DCAF17: variants seen among roughly 807,000 people sequenced by gnomAD.
The protein encoded by DCAF17 is DDB1 and CUL4 associated factor 17, also known as DDB1- and CUL4-associated factor 17.
DCAF17 carries 48 observed loss-of-function variants against 66.0 expected under a neutral mutation model. The observed-to-expected ratio is 0.73, with a 90% CI of 0.58 to 0.92. The LOEUF is 0.92. DCAF17 is among the 40% of genes least tolerant of loss of function. DCAF17 has a pLI of 0.00. For missense variants in DCAF17, 562 were observed against 622.8 expected, an observed-to-expected ratio of 0.90 and a Z score of 1.04; for synonymous variants, 206 against 214.6, an observed-to-expected ratio of 0.96 and a Z score of 0.35.
chr2:171,460,784 C>CCT (rs1399049190), intron 8 of DCAF17, among the ~76,000 whole-genome samples: 8 of 152,186 alleles, frequency 5.3e-5, no homozygotes, highest in African/African-American at 1.7e-4. Flanking sequence ...AGTCTGCCTA[C>CCT]CTCATCCGCC....
At chr2:171,440,843 G>T (rs2105730755) in intron 2 of DCAF17, among the ~76,000 whole-genome samples, 1 of 152,262 alleles carries the variant, frequency 6.6e-6, no homozygotes, top group South Asian at 2.1e-4. Flanking sequence ...AGTTTGCCCT[G>T]TGACCTGAAT....
chr2:171,461,216 G>A (rs575563180), intron 8 of DCAF17, among the ~76,000 whole-genome samples: 80 of 152,134 alleles, frequency 5.3e-4, no homozygotes, highest in Non-Finnish European at 9.4e-4. Context: ...AGGCTGACGC[G>A]GGCAGATCAC....
intron 3 of DCAF17, among the ~76,000 whole-genome samples, chr2:171,447,093 A>G (rs1211238142): frequency 6.6e-6 from 1 of 152,030 alleles, no homozygotes; most frequent in Non-Finnish European, 1.5e-5. Flanking sequence ...ATATGTCATT[A>G]TAGTTATGTT....
At chr2:171,476,050 A>T (rs949981044) in intron 10 of DCAF17, among the ~76,000 whole-genome samples, 2 of 152,204 alleles carry the variant, frequency 1.3e-5, no homozygotes, top group African/African-American at 4.8e-5. Flanking sequence ...CACTAAAAAA[A>T]CTAAGTGAAT....
At chr2:171,474,147 C>T (rs1379018433) in intron 10 of DCAF17, 172 bp downstream of exon 10, 8 of 640,754 alleles carry the variant, frequency 1.2e-5, no homozygotes, top group Non-Finnish European at 2.0e-5. Context: ...CTTTGAGACT[C>T]AACATTACTG....
At position 171,453,231 on chromosome 2, in the gene DCAF17, A is replaced by C; in HGVS notation, c.627+18A>C. 6.5e-7 allele frequency: 1 copy of C among 1,531,742 alleles called. No homozygotes were observed. Among genetic ancestry groups the C allele is most frequent in the Non-Finnish European group, 9.0e-7 (1 of 1,109,514 alleles). The allele number at this position is 1,531,742 out of a possible 1,614,324, so 94.9% of individuals were successfully genotyped here. On this transcript the variant is annotated intron_variant, in intron 6 of 13. Coordinates refer to ENST00000375255, the MANE Select transcript of DCAF17 (RefSeq NM_025000.4). ...ACAAAAAGGTAAGAACTCATTTCTT[A>C]TTTAATTGCAATATTTTATTGACAA...
intron 5 of DCAF17, among the ~76,000 whole-genome samples, chr2:171,452,724 A>T (rs540692431): frequency 9.8e-5 from 15 of 152,318 alleles, no homozygotes; most frequent in Admixed American, 8.5e-4. Context: ...TTAGCCTCCC[A>T]AAGGGCTGGA....
At chr2:171,452,975 C>T (rs1695038594) in intron 5 of DCAF17, 149 bp from the exon 6 acceptor site, 2 of 494,560 alleles carry the variant, frequency 4.0e-6, no homozygotes, top group Non-Finnish European at 7.0e-6. Context: ...ATTTAAGTAA[C>T]TTTGCAATCT....
chr2:171,440,008 TG>T (rs1177813240), intron 2 of DCAF17, among the ~76,000 whole-genome samples: 2 of 152,270 alleles, frequency 1.3e-5, no homozygotes, highest in East Asian at 3.9e-4. Context: ...TAGAGTGCAG[TG>T]GCTTTTCACA....
Position 171,434,594 on chromosome 2 carries a change from A to C in DCAF17, c.17A>C (p.Lys6Thr). The C allele has an allele frequency of 6.5e-7, 1 of 1,527,924 alleles. No individual in the cohort carries two copies. Among genetic ancestry groups the C allele is most frequent in the Non-Finnish European group, 8.7e-7 (1 of 1,143,970 alleles). 94.6% of individuals were successfully genotyped at this position (1,527,924 alleles called of 1,614,324 possible). ...CGCGCCTCCATGGGCCCGACCCGGA[A>C]GCCCAACGTGTGCAGCCGGCTGAGT... MGPTR[K>T]PNVCSRLSRR... is the part of the protein sequence containing the mutation. Residue 6 changes from lysine to threonine, a missense_variant, in exon 1 of 14, where the codon AAG becomes ACG. Around this residue, in one of 3 missense-constraint regions of DCAF17, gnomAD observed 348 missense variants for 355.9 expected, o/e 0.98. Transcript: ENST00000375255.
In DCAF17 at chr2:171,481,883, T is replaced by TGA; in HGVS notation, c.*769_*770insGA. 1 of 454,056 alleles carries TGA rather than the reference T, an allele frequency of 2.2e-6. No individual in the cohort carries two copies. The allele number at this position is 454,056 out of a possible 1,614,324, so 28.1% of individuals were successfully genotyped here. A position where few individuals can be genotyped will look rare whatever the true frequency, so the allele number is the denominator to read the frequency against. ...TGTTCTCATCTCACCATTCTACTCA[T>TGA]TTAGTGAGTTTTCTGATCTTGTTTA... On this transcript the variant is annotated 3_prime_UTR_variant, in exon 14 of 14. Coordinates refer to ENST00000375255, the MANE Select transcript of DCAF17 (RefSeq NM_025000.4).
chr2:171,462,637 G>T (rs1341395182), intron 8 of DCAF17, among the ~76,000 whole-genome samples: 1 of 152,068 alleles, frequency 6.6e-6, no homozygotes, highest in Non-Finnish European at 1.5e-5. Flanking sequence ...TTGTCAATAT[G>T]ACAGTTTGTT....
At chr2:171,468,769 A>G in intron 8 of DCAF17, 119 bp from the exon 9 acceptor site, 1 of 1,355,324 alleles carries the variant, frequency 7.4e-7, no homozygotes, top group Non-Finnish European at 1.0e-6. Flanking sequence ...GAACATAGTA[A>G]TTTTTCATTA....
chr2:171,443,373 C>T, intron 2 of DCAF17, 150 bp from the exon 3 acceptor site: 1 of 593,524 alleles, frequency 1.7e-6, no homozygotes, highest in South Asian at 2.2e-5. Context: ...ATTATGTGAT[C>T]AGAAAAAAAT....
chr2:171,474,376 C>CA, intron 10 of DCAF17: 1 of 221,912 alleles, frequency 4.5e-6, no homozygotes, highest in South Asian at 6.8e-5. Context: ...AGGGCACACA[C>CA]AACTCCCACA....
At position 171,477,995 on chromosome 2, in the gene DCAF17, T is replaced by C. The variant is rs752912991; in HGVS notation, c.1191T>C (p.Asn397=). ...TTCTTTCCATATGATAGAATGAAAA[T>C]GTACTCACTGTTACAGCTTCTGGAC... is the stretch of plus-strand genomic sequence containing the variant. ...LANRENHKNE[N]VLTVTASGRV... The change falls in exon 12 of 14, where the codon AAT becomes AAC. Residue 397 remains asparagine, a synonymous_variant. Coordinates refer to ENST00000375255, the MANE Select transcript of DCAF17 (RefSeq NM_025000.4). 2 of 1,613,252 alleles carry C rather than the reference T, an allele frequency of 1.2e-6. No homozygotes were observed. Among genetic ancestry groups the C allele is most frequent in the South Asian group, 2.2e-5 (2 of 91,082 alleles).
At chr2:171,455,363 T>C (rs1283120862) in intron 6 of DCAF17, among the ~76,000 whole-genome samples, 1 of 152,134 alleles carries the variant, frequency 6.6e-6, no homozygotes, top group African/African-American at 2.4e-5. Context: ...TGCATAGTAT[T>C]CCCTGGTGTA....
chr2:171,434,814 G>A (rs1693733632), intron 1 of DCAF17, 111 bp downstream of exon 1: 13 of 1,397,028 alleles, frequency 9.3e-6, no homozygotes, highest in Non-Finnish European at 1.1e-5. Flanking sequence ...AGGGTCACAT[G>A]TGATGGGGAG....
intron 2 of DCAF17, among the ~76,000 whole-genome samples, chr2:171,439,912 A>G (rs1473466428): frequency 6.6e-6 from 1 of 152,168 alleles, no homozygotes; most frequent in African/African-American, 2.4e-5. Flanking sequence ...CCTGGGTAAC[A>G]GAGCGAGACT....
Sources: allele counts gnomAD v4.1 joint callset (sites outside exome capture counted in the v4.1 genomes callset), GRCh38; gene constraint gnomAD v4.1.1; regional missense constraint gnomAD v4.1.1; transcripts MANE v1.5; gene names NCBI Gene and HGNC (gene_info 2026-07-23, HGNC 2026-07-21).